The following ADGRD1 variants were observed in gnomAD, a reference collection of about 807,000 sequenced individuals.
The protein encoded by ADGRD1 is G-protein coupled receptor 133.
A neutral mutation model predicts 113.4 loss-of-function variants in ADGRD1; 77 were observed. That is an observed-to-expected ratio of 0.68 (90% CI 0.57 to 0.82). The LOEUF (loss-of-function observed/expected upper bound fraction) is 0.82. Ranked by LOEUF, ADGRD1 falls within the 40% of genes least tolerant of loss-of-function variation. ADGRD1 has a pLI of 0.00. For missense variants in ADGRD1, 1,036 were observed against 1,139.1 expected, an observed-to-expected ratio of 0.91 and a Z score of 1.30; for synonymous variants, 474 against 475.0, an observed-to-expected ratio of 1.00 and a Z score of 0.03.
At position 131,027,360 on chromosome 12, in the gene ADGRD1, C is replaced by T. The variant is rs1348504139; in HGVS notation, c.1473+13020C>T. The T allele has an allele frequency of 2.6e-5, 4 of 152,142 alleles. No individual in the cohort carries two copies. The highest frequency in any genetic ancestry group is 1.9e-4 in the East Asian group (1 of 5,190). 9.4% of individuals were successfully genotyped at this position (152,142 alleles called of 1,614,324 possible). ...TGGGGTTCTGCTATCCGTGCCGTTT[C>T]GCAGCTTCAGTTTTTAAATTTACCA... is the stretch of plus-strand genomic sequence containing the variant. On this transcript the variant is annotated intron_variant, in intron 13 of 24. Coordinates refer to ENST00000261654, the MANE Select transcript of ADGRD1 (RefSeq NM_198827.5). The surrounding 1 kb of genome is among the most constrained non-coding windows in gnomAD (Gnocchi z 5.1).
At chr12:131,033,507 C>CA (rs1466378256) in intron 13 of ADGRD1, among the ~76,000 whole-genome samples, 1 of 152,222 alleles carries the variant, frequency 6.6e-6, no homozygotes, top group Non-Finnish European at 1.5e-5. Context: ...GCCCCCTGAA[C>CA]GCAGGGAATT....
chr12:131,035,299 GT>G (rs1234452607), intron 13 of ADGRD1: 2 of 152,520 alleles, frequency 1.3e-5, no homozygotes, highest in East Asian at 3.9e-4. Context: ...TGGCTGTAGA[GT>G]GCACAATTGC....
chr12:131,112,576 G>A (rs1031478875), intron 18 of ADGRD1, among the ~76,000 whole-genome samples: 11 of 152,304 alleles, frequency 7.2e-5, no homozygotes, highest in African/African-American at 2.4e-4. Context: ...GCAAAGCTCC[G>A]TTCTTTCCCA....
intron 13 of ADGRD1, among the ~76,000 whole-genome samples, chr12:131,032,632 G>A (rs1409990210): frequency 1.3e-5 from 2 of 152,180 alleles, no homozygotes; most frequent in African/African-American, 4.8e-5. Flanking sequence ...CCCTATGGTG[G>A]GGCAGTGACG....
Position 130,981,924 on chromosome 12 carries a change from G to T in ADGRD1, c.351G>T (p.Gln117His). The change falls in exon 5 of 25, where the codon CAG becomes CAT. Residue 117 changes from glutamine to histidine, a missense_variant. Transcript: ENST00000261654. The part of the protein sequence containing the change: ...FSFFWKTQGE[Q>H]SRPIPSAYGG... The stretch of plus-strand genomic sequence containing the variant: ...TTTTCTGGAAGACACAAGGAGAACA[G>T]TCTAGACCAATCCCTTCTGCGTATG... 6.2e-7 allele frequency: 1 copy of T among 1,614,128 alleles called. No individual in the cohort carries two copies. The highest frequency in any genetic ancestry group is 8.5e-7 in the Non-Finnish European group (1 of 1,179,968).
intron 2 of ADGRD1, among the ~76,000 whole-genome samples, chr12:130,955,052 C>T (rs1020429526): frequency 2.7e-5 from 4 of 150,788 alleles, no homozygotes; most frequent in South Asian, 2.1e-4. Flanking sequence ...CTCTGCCTCC[C>T]GGGTTCAAGC....
intron 15 of ADGRD1, among the ~76,000 whole-genome samples, chr12:131,097,843 T>C (rs969699033): frequency 6.6e-6 from 1 of 152,062 alleles, no homozygotes; most frequent in Non-Finnish European, 1.5e-5. Flanking sequence ...TAGCCCGGAG[T>C]TCCTGCTCTT....
chr12:131,061,180 A>G (rs886587672), intron 13 of ADGRD1, among the ~76,000 whole-genome samples: 36 of 152,196 alleles, frequency 2.4e-4, no homozygotes, highest in Admixed American at 8.5e-4. Flanking sequence ...GGTGATGCCT[A>G]TGGCCCCCAA....
chr12:131,011,629 A>G (rs1877907505), intron 12 of ADGRD1, among the ~76,000 whole-genome samples: 1 of 152,170 alleles, frequency 6.6e-6, no homozygotes, highest in African/African-American at 2.4e-5. Flanking sequence ...CCATCAGGAA[A>G]TGTCCACGGA....
At chr12:131,040,038 C>T (rs1471437825) in intron 13 of ADGRD1, among the ~76,000 whole-genome samples, 1 of 152,198 alleles carries the variant, frequency 6.6e-6, no homozygotes, top group Non-Finnish European at 1.5e-5. Context: ...CAGAGCCCCA[C>T]CCCACCAGCG....
Position 130,965,981 on chromosome 12 carries a change from G to A in ADGRD1, c.104-482G>A, listed in dbSNP as rs995965828. ...TTTTCTTATAGATTATTGTTAGCAT[G>A]AAGTGAGGAAGTGCTTGTTAAGGAC... On this transcript the variant is annotated intron_variant, in intron 2 of 24. Coordinates refer to ENST00000261654, the MANE Select transcript of ADGRD1 (RefSeq NM_198827.5). This position sits in a 1 kb window ranked among gnomAD's most constrained non-coding sequence, Gnocchi z 4.8. Among the ~76,000 whole-genome samples the A allele has an allele frequency of 6.6e-6, 1 of 152,216 alleles. No homozygotes were observed. Among genetic ancestry groups the A allele is most frequent in the Non-Finnish European group, 1.5e-5 (1 of 68,040 alleles).
intron 16 of ADGRD1, 75 bp from the exon 17 acceptor site, chr12:131,105,679 G>T (rs906672157): frequency 2.7e-6 from 3 of 1,122,924 alleles, no homozygotes; most frequent in Non-Finnish European, 3.9e-6. Context: ...TAGGGACTTC[G>T]TGGGGCCAGG....
intron 13 of ADGRD1, among the ~76,000 whole-genome samples, chr12:131,048,723 G>T (rs536607344): frequency 6.6e-6 from 1 of 152,348 alleles, no homozygotes; most frequent in South Asian, 2.1e-4. Flanking sequence ...TCATTTGTGG[G>T]CAGGGCAGGG....
intron 12 of ADGRD1, 115 bp downstream of exon 12, chr12:131,006,162 C>A: frequency 1.1e-6 from 1 of 920,932 alleles, no homozygotes; most frequent in Non-Finnish European, 1.7e-6. Flanking sequence ...GACACGAGTA[C>A]CGGGCGCTTC....
At chr12:130,994,266 C>T (rs1874882349) in intron 8 of ADGRD1, 3 of 452,696 alleles carry the variant, frequency 6.6e-6, no homozygotes, top group South Asian at 3.1e-5. Flanking sequence ...GCTTGGTATG[C>T]AGTAAGTGCT....
intron 17 of ADGRD1, among the ~76,000 whole-genome samples, chr12:131,108,065 G>GTCCTGGGCACCTGGGGCC (rs1385869898): frequency 2.6e-5 from 4 of 152,264 alleles, no homozygotes; most frequent in Admixed American, 2.6e-4. Context: ...AACTCTCTCC[G>GTCCTGGGCACCTGGGGCC]TCCTGGGCAC....
At position 131,136,176 on chromosome 12, in the gene ADGRD1, G is replaced by A. The variant is rs2136111108; in HGVS notation, c.2394+13G>A. The A allele has an allele frequency of 1.2e-6, 2 of 1,613,354 alleles. No homozygotes were observed. The highest frequency in any genetic ancestry group is 1.7e-6 in the Non-Finnish European group (2 of 1,179,770). On this transcript the variant is annotated intron_variant, in intron 22 of 24. Transcript: ENST00000261654. ...CAACTCCCTGCAGGTGAGAGCCGCGGGGACTGGCGGGGAGGCAGGGCCGCC... is the reference window on the plus strand; with the variant it reads ...CAACTCCCTGCAGGTGAGAGCCGCGAGGACTGGCGGGGAGGCAGGGCCGCC...
chr12:131,049,207 G>A lies in ADGRD1; in HGVS notation c.1474-27594G>A, dbSNP rs531665788. ...GTCTCAGCTTCCTGCCTTATCAGGCGGGGCCTTGGATACTGTCTGAGCCCA... is the reference window on the plus strand; with the variant it reads ...GTCTCAGCTTCCTGCCTTATCAGGCAGGGCCTTGGATACTGTCTGAGCCCA... On this transcript the variant is annotated intron_variant, in intron 13 of 24. Transcript: ENST00000261654. Among the ~76,000 whole-genome samples the A allele has an allele frequency of 8.9e-4, 136 of 152,320 alleles. 1 individual carries two copies. The highest frequency in any genetic ancestry group is 1.7e-3 in the Non-Finnish European group (114 of 68,030).
At chr12:131,043,270 G>A (rs573517958) in intron 13 of ADGRD1, among the ~76,000 whole-genome samples, 1 of 152,282 alleles carries the variant, frequency 6.6e-6, no homozygotes, top group East Asian at 1.9e-4. Context: ...GCTGGGGAGA[G>A]GCCTTACTAC....
Sources: allele counts gnomAD v4.1 joint callset (sites outside exome capture counted in the v4.1 genomes callset), GRCh38; gene constraint gnomAD v4.1.1; non-coding constraint Gnocchi (gnomAD v3.1); transcripts MANE v1.5; gene names NCBI Gene and HGNC (gene_info 2026-07-23, HGNC 2026-07-21).